The following COL5A2 variants were observed in gnomAD, a reference collection of about 807,000 sequenced individuals.
The protein encoded by COL5A2 is collagen alpha-2(V) chain.
A neutral mutation model predicts 208.2 loss-of-function variants in COL5A2; 23 were observed. That is an observed-to-expected ratio of 0.11 (90% CI 0.08 to 0.16). The LOEUF (loss-of-function observed/expected upper bound fraction) is 0.16, where lower values mean the gene tolerates loss of function less well. Ranked by LOEUF, COL5A2 falls within the 10% of genes least tolerant of loss-of-function variation. The probability of loss-of-function intolerance (pLI) is 1.00; values close to 1 mark genes in which losing one functional copy is unlikely to be tolerated. For synonymous variants in COL5A2, 625 were observed against 628.5 expected, an observed-to-expected ratio of 0.99 and a Z score of 0.08; for missense variants, 1,590 against 1,956.4, an observed-to-expected ratio of 0.81 and a Z score of 3.53.
intron 31 of COL5A2, among the ~76,000 whole-genome samples, chr2:189,059,682 C>A (rs892740491): frequency 3.6e-5 from 5 of 139,392 alleles, no homozygotes; most frequent in African/African-American, 1.3e-4. Context: ...CTGCAACCTC[C>A]ACCTCCTGGA....
At chr2:189,078,590 A>G in intron 15 of COL5A2, 21 bp from the exon 16 acceptor site, 1 of 1,599,824 alleles carries the variant, frequency 6.3e-7, no homozygotes, top group Non-Finnish European at 8.6e-7. Context: ...TAGAGAAGAA[A>G]TGTCTCTTGA....
intron 1 of COL5A2, among the ~76,000 whole-genome samples, chr2:189,203,959 G>A (rs1367116459): frequency 1.3e-5 from 2 of 151,350 alleles, no homozygotes; most frequent in Non-Finnish European, 2.9e-5. Flanking sequence ...GTGCAGTGGC[G>A]CCATCTCGGC....
Position 189,060,859 on chromosome 2 carries a change from T to A in COL5A2, c.2032-76A>T, listed in dbSNP as rs530505829. ...GCTACCAGTGTTAACAGTTTACCTT[T>A]TACAATTCATGGGGTCTCCAAGACT... On this transcript the variant is annotated intron_variant, in intron 30 of 53. Transcript: ENST00000374866. The A allele has an allele frequency of 3.0e-6, 3 of 1,015,430 alleles. No individual in the cohort carries two copies. In the East Asian group the frequency reaches 7.2e-5, roughly 24 times the overall value. 62.9% of individuals were successfully genotyped at this position (1,015,430 alleles called of 1,614,324 possible).
At chr2:189,184,473 T>C (rs1688821951), upstream of COL5A2, among the ~76,000 whole-genome samples, 1 of 152,182 alleles carries the variant, frequency 6.6e-6, no homozygotes, top group African/African-American at 2.4e-5. Context: ...ATCAAACTGT[T>C]AGCAGGGCTG....
the COL5A2 span, chr2:189,311,420 G>A: frequency 3.6e-6 from 4 of 1,122,544 alleles, no homozygotes; most frequent in Non-Finnish European, 4.0e-6. Context: ...GCGGTAGGTG[G>A]TGATCTCAGC....
chr2:189,155,425 C>T (rs1688226726), intron 1 of COL5A2, among the ~76,000 whole-genome samples: 1 of 152,146 alleles, frequency 6.6e-6, no homozygotes, highest in South Asian at 2.1e-4. Context: ...TGAATCCACT[C>T]TGTGTGAAGT....
rs1685815738 is a variant in COL5A2 at position 189,052,667 on chromosome 2, A to T, written c.2715+82T>A. On this transcript the variant is annotated intron_variant, in intron 40 of 53. Coordinates refer to ENST00000374866, the MANE Select transcript of COL5A2 (RefSeq NM_000393.5). ...TAATTTGTTATTTCAGTCTCAGATG[A>T]AAATTATCTTTTACATGACCAGGAA... 3 of 1,341,820 alleles carry T rather than the reference A, an allele frequency of 2.2e-6. No homozygotes were observed. The African/African-American group carries it at 4.3e-5, about 19-fold the overall frequency. The allele number at this position is 1,341,820 out of a possible 1,614,324, so 83.1% of individuals were successfully genotyped here. A position where few individuals can be genotyped will look rare whatever the true frequency, so the allele number is the denominator to read the frequency against.
At position 189,033,409 on chromosome 2, in the gene COL5A2, A is replaced by C. The variant is rs1432373206; in HGVS notation, c.*661T>G. ...ACAAAAATTTAAGAAGTCGAAGTAA[A>C]TTCACTTTGTTCTCCAAAATGCCAC... On this transcript the variant is annotated 3_prime_UTR_variant, in exon 54 of 54. Transcript: ENST00000374866. The C allele has an allele frequency of 6.6e-6, 1 of 152,530 alleles. No homozygotes were observed. Among genetic ancestry groups the C allele is most frequent in the Non-Finnish European group, 1.5e-5 (1 of 68,042 alleles). The allele number at this position is 152,530 out of a possible 1,614,324, so 9.4% of individuals were successfully genotyped here.
chr2:189,400,651 C>T, the COL5A2 span, among the ~76,000 whole-genome samples: 2 of 152,094 alleles, frequency 1.3e-5, no homozygotes, highest in South Asian at 4.1e-4. Context: ...GTTGGTACTG[C>T]ATTTCTAGAA....
chr2:189,391,337 G>A, the COL5A2 span, among the ~76,000 whole-genome samples: 1 of 152,272 alleles, frequency 6.6e-6, no homozygotes, highest in South Asian at 2.1e-4. Context: ...CTCTTAGGCT[G>A]TATGGTAGTA....
the COL5A2 span, among the ~76,000 whole-genome samples, chr2:189,313,275 T>C: frequency 3.3e-5 from 5 of 152,146 alleles, no homozygotes; most frequent in South Asian, 6.2e-4. Flanking sequence ...TGGAATCAAT[T>C]TGGAAAACAT....
At chr2:189,055,329 T>C (rs976939806) in intron 35 of COL5A2, among the ~76,000 whole-genome samples, 1 of 152,202 alleles carries the variant, frequency 6.6e-6, no homozygotes, top group African/African-American at 2.4e-5. Context: ...CTGAGTCTTC[T>C]TGACAGGTAA....
At chr2:189,426,169 T>C in the COL5A2 span, among the ~76,000 whole-genome samples, 1 of 152,116 alleles carries the variant, frequency 6.6e-6, no homozygotes. Flanking sequence ...TCCTAGAGAC[T>C]TGATAAGTTG....
chr2:189,311,731 T>A, the COL5A2 span: 5 of 764,254 alleles, frequency 6.5e-6, no homozygotes, highest in African/African-American at 8.5e-5. Flanking sequence ...CTCCTCAATC[T>A]GCTGAGACCA....
the COL5A2 span, among the ~76,000 whole-genome samples, chr2:189,242,963 T>A: frequency 2.0e-5 from 3 of 151,978 alleles, no homozygotes; most frequent in Non-Finnish European, 2.9e-5. Context: ...GAATAGATGA[T>A]CAAAAAAATT....
intron 31 of COL5A2, 21 bp downstream of exon 31, chr2:189,060,706 CATT>C (rs754574777): frequency 1.3e-6 from 2 of 1,592,872 alleles, no homozygotes; most frequent in African/African-American, 1.3e-5. Flanking sequence ...ATAGTGTTGC[CATT>C]ATTATTATTT....
chr2:189,045,096 G>A (rs1387138805), intron 47 of COL5A2, 83 bp downstream of exon 47: 1 of 888,660 alleles, frequency 1.1e-6, no homozygotes, highest in East Asian at 2.8e-5. Context: ...ATATTTTTCA[G>A]TTATGAATCT....
At chr2:189,268,818 T>G in the COL5A2 span, among the ~76,000 whole-genome samples, 7 of 152,132 alleles carry the variant, frequency 4.6e-5, no homozygotes, top group Admixed American at 3.3e-4. Flanking sequence ...GAGGGAGAAG[T>G]TGTGTATCTT....
the COL5A2 span, among the ~76,000 whole-genome samples, chr2:189,243,094 A>AAGAGC: frequency 6.6e-6 from 1 of 152,320 alleles, no homozygotes; most frequent in East Asian, 1.9e-4. Context: ...AGGCAAAGAA[A>AAGAGC]AGAGCAGCTT....
Sources: allele counts gnomAD v4.1 joint callset (sites outside exome capture counted in the v4.1 genomes callset), GRCh38; gene constraint gnomAD v4.1.1; transcripts MANE v1.5; gene names NCBI Gene and HGNC (gene_info 2026-07-23, HGNC 2026-07-21).